The following ZNF638 variants were observed in gnomAD, a reference collection of about 807,000 sequenced individuals.
The protein encoded by ZNF638 is CTCL tumor antigen se33-1.
In ZNF638, 46 loss-of-function variants were observed where a neutral mutation model predicts 195.6. The observed-to-expected ratio is 0.24, with a 90% confidence interval of 0.19 to 0.30. The LOEUF is 0.30. ZNF638 is among the 10% of genes least tolerant of loss of function. The probability of loss-of-function intolerance (pLI) is 1.00; values close to 1 mark genes in which losing one functional copy is unlikely to be tolerated. For missense variants in ZNF638, 2,440 were observed against 2,325.3 expected, an observed-to-expected ratio of 1.05 and a Z score of -1.01; for synonymous variants, 845 against 772.0, an observed-to-expected ratio of 1.09 and a Z score of -1.57.
rs2079320998 is a variant in ZNF638 at position 71,371,925 on chromosome 2, A to AT, written c.2265+1925dup. ...TAACTTGAAGTGGTCCCATTTGTTC[A>AT]TTTTTGTACAGCATTTGCCTGTGTT... On this transcript the variant is annotated intron_variant, in intron 8 of 27. Transcript: ENST00000264447. Among the ~76,000 whole-genome samples, 3 of 151,968 alleles carry AT rather than the reference A, an allele frequency of 2.0e-5. No individual in the cohort carries two copies. In the South Asian group the frequency reaches 6.2e-4, roughly 31 times the overall value.
At chr2:71,420,676 G>GT (rs779064006) in intron 21 of ZNF638, among the ~76,000 whole-genome samples, 82 of 152,278 alleles carry the variant, frequency 5.4e-4, no homozygotes, top group Non-Finnish European at 1.0e-3. Flanking sequence ...ATCCTTTTCT[G>GT]TTCCATTTCC....
chr2:71,379,957 G>A (rs2542520), intron 8 of ZNF638: 2 of 252,412 alleles, frequency 7.9e-6, no homozygotes, highest in Non-Finnish European at 7.5e-6. Context: ...ATAGGGTTCA[G>A]CACGAGCACG....
intron 10 of ZNF638, among the ~76,000 whole-genome samples, chr2:71,392,481 C>T (rs944268826): frequency 3.9e-5 from 6 of 152,190 alleles, no homozygotes; most frequent in Non-Finnish European, 7.3e-5. Flanking sequence ...GTTGCAAAAC[C>T]TTGAGACCGC....
Position 71,434,928 on chromosome 2 carries a change from C to T in ZNF638, c.*121C>T, listed in dbSNP as rs2080736017. ...GCAAATATTCGTGTTGTACAAATTTCTGATTGCCCTAAATGTAGAGAGACT... is the reference window on the plus strand; with the variant it reads ...GCAAATATTCGTGTTGTACAAATTTTTGATTGCCCTAAATGTAGAGAGACT... On this transcript the variant is annotated 3_prime_UTR_variant, in exon 28 of 28. Transcript: ENST00000264447. The T allele has an allele frequency of 6.2e-6, 5 of 802,952 alleles. No homozygotes were observed. In the East Asian group the frequency reaches 8.1e-5, roughly 13 times the overall value. 49.7% of individuals were successfully genotyped at this position (802,952 alleles called of 1,614,324 possible). A position where few individuals can be genotyped will look rare whatever the true frequency, so the allele number is the denominator to read the frequency against.
At position 71,400,158 on chromosome 2, in the gene ZNF638, CTG is replaced by C; in HGVS notation, c.2637_2638del (p.Ala880Ter). On this transcript the variant is annotated frameshift_variant, in exon 14 of 28. Transcript: ENST00000264447. LOFTEE classifies it high-confidence loss of function. Reference protein sequence around the residue: ...TSIEVKATENCAKEAISDAAL... With the variant: ...TSIEVKATENXAKEAISDAAL... ...GTATTGAAGTCAAAGCCACTGAAAA[CTG>C]TGCTAAAGAAGCTATTTCTGGTAGG... The C allele has an allele frequency of 6.2e-7, 1 of 1,608,044 alleles. No individual in the cohort carries two copies. Among genetic ancestry groups the C allele is most frequent in the Non-Finnish European group, 8.5e-7 (1 of 1,177,494 alleles).
chr2:71,350,606 A>G (rs2078923706), intron 2 of ZNF638, among the ~76,000 whole-genome samples: 1 of 152,198 alleles, frequency 6.6e-6, no homozygotes, highest in Non-Finnish European at 1.5e-5. Context: ...ACCTTTCTCT[A>G]AAAGGATCTG....
intron 3 of ZNF638, among the ~76,000 whole-genome samples, chr2:71,362,519 C>T (rs897028768): frequency 9.2e-5 from 14 of 152,170 alleles, no homozygotes; most frequent in Non-Finnish European, 1.6e-4. Context: ...CAACAGACAG[C>T]CTGTCCAAGT....
intron 19 of ZNF638, among the ~76,000 whole-genome samples, chr2:71,406,914 G>A (rs961984170): frequency 6.6e-6 from 1 of 152,026 alleles, no homozygotes; most frequent in Non-Finnish European, 1.5e-5. Context: ...GCAGGAGGAT[G>A]GTTTGAGCCC....
chr2:71,367,763 G>T (rs2079229145), intron 6 of ZNF638, among the ~76,000 whole-genome samples: 1 of 148,950 alleles, frequency 6.7e-6, no homozygotes. Flanking sequence ...AAAATATAGA[G>T]TCTTAGTATG....
chr2:71,433,172 C>T lies in ZNF638; in HGVS notation c.5760C>T (p.Asp1920=). 6.2e-7 allele frequency: 1 copy of T among 1,607,012 alleles called. No individual in the cohort carries two copies. The highest frequency in any genetic ancestry group is 8.5e-7 in the Non-Finnish European group (1 of 1,173,914). The change falls in exon 27 of 28, where the codon GAC becomes GAT. Residue 1920 remains aspartate (D), a synonymous_variant. Coordinates refer to ENST00000264447, the MANE Select transcript of ZNF638 (RefSeq NM_014497.5). ...TCTCTTCTTATCCTCTAGAATTAGA[C>T]TTTCTTGTACCTAAGGCTGGATTCT... ...SVASDVPEEL[D]FLVPKAGFFC... is the part of the protein sequence containing the mutation.
rs189787610 is a variant in ZNF638, at chr2:71,405,107, A to G, written c.2959-494A>G. ...TATAAAGTCCAAGTTCCTTTGCCGC[A>G]CACAAAGCCTTCCATTAGTTGTCCT... On this transcript the variant is annotated intron_variant, in intron 17 of 27. Coordinates refer to ENST00000264447, the MANE Select transcript of ZNF638 (RefSeq NM_014497.5). Among the ~76,000 whole-genome samples, 322 of 152,320 alleles carry G rather than the reference A, an allele frequency of 2.1e-3. 2 individuals are homozygous for G. The highest frequency in any genetic ancestry group is 7.4e-3 in the African/African-American group (306 of 41,570).
intron 1 of ZNF638, among the ~76,000 whole-genome samples, chr2:71,335,411 T>G (rs1325783490): frequency 6.6e-6 from 1 of 152,210 alleles, no homozygotes; most frequent in Non-Finnish European, 1.5e-5. Flanking sequence ...AACCAAAATA[T>G]ATTTATTGTT....
intron 14 of ZNF638, 32 bp from the exon 15 acceptor site, chr2:71,400,446 C>T (rs1332387999): frequency 2.5e-6 from 4 of 1,588,668 alleles, no homozygotes; most frequent in Non-Finnish European, 3.4e-6. Flanking sequence ...ATAAGTATGT[C>T]TGCATTGTTT....
At chr2:71,395,876 G>A (rs2079882939) in intron 10 of ZNF638, 2 of 532,256 alleles carry the variant, frequency 3.8e-6, no homozygotes, top group South Asian at 4.4e-5. Flanking sequence ...CTATGCTTAT[G>A]TACTGTTGAT....
At chr2:71,381,348 T>C (rs1323924801) in intron 10 of ZNF638, among the ~76,000 whole-genome samples, 1 of 152,004 alleles carries the variant, frequency 6.6e-6, no homozygotes. Context: ...GAGGTGAAAA[T>C]TGGATTGTGG....
intron 12 of ZNF638, 65 bp downstream of exon 12, chr2:71,398,837 T>C (rs1474135669): frequency 2.1e-6 from 3 of 1,405,464 alleles, no homozygotes; most frequent in Non-Finnish European, 9.9e-7. Flanking sequence ...ATTCGTATAA[T>C]AATTTTTAGC....
intron 1 of ZNF638, among the ~76,000 whole-genome samples, chr2:71,344,323 T>TA (rs1439672143): frequency 6.6e-6 from 1 of 152,174 alleles, no homozygotes; most frequent in Admixed American, 6.5e-5. Context: ...ATGCTGAAAA[T>TA]ACAGATGTAC....
At chr2:71,338,072 A>G (rs2078701762) in intron 1 of ZNF638, among the ~76,000 whole-genome samples, 1 of 152,106 alleles carries the variant, frequency 6.6e-6, no homozygotes, top group African/African-American at 2.4e-5. Context: ...TACCATTTCC[A>G]TTTGCCCTTC....
At chr2:71,375,791 G>C (rs926437907) in intron 8 of ZNF638, 9 of 152,216 alleles carry the variant, frequency 5.9e-5, no homozygotes, top group Admixed American at 5.2e-4. Flanking sequence ...CTAGCAGATT[G>C]ATTAAAGTGG....
Sources: gnomAD v4.1 joint callset for allele counts (sites outside exome capture counted in the v4.1 genomes callset) on GRCh38, gnomAD v4.1.1 for gene constraint, MANE v1.5 for transcripts, NCBI Gene and HGNC (gene_info 2026-07-23, HGNC 2026-07-21) for gene names.